CERS2: variants seen among roughly 807,000 people sequenced by gnomAD.
The protein encoded by CERS2 is LAG1 homolog, ceramide synthase 2.
CERS2 carries 20 observed loss-of-function variants against 56.6 expected under a neutral mutation model. The observed-to-expected ratio is 0.35, with a 90% confidence interval of 0.25 to 0.51. CERS2 has a LOEUF of 0.51. Ranked by LOEUF, CERS2 falls within the 20% of genes least tolerant of loss-of-function variation. The pLI is 0.96. For synonymous variants in CERS2, 187 were observed against 175.4 expected (o/e 1.07, Z -0.52); for missense variants, 361 against 488.6 (o/e 0.74, Z 2.46).
At position 150,968,404 on chromosome 1, in the gene CERS2, C is replaced by A. The variant is rs1290412238; in HGVS notation, c.282G>T (p.Gln94His). The A allele has an allele frequency of 6.2e-7, 1 of 1,613,496 alleles. No homozygotes were observed. Among genetic ancestry groups the A allele is most frequent in the Non-Finnish European group, 8.5e-7 (1 of 1,179,334 alleles). ...LEHFYLTSGK[Q>H]PKQVEVELLS... ...AGCATGCGGCTCATACCTGCTTGGGCTGCTTGCCACTGGTCAGGTAGAAAT... is the reference window on the plus strand; with the variant it reads ...AGCATGCGGCTCATACCTGCTTGGGATGCTTGCCACTGGTCAGGTAGAAAT... The change falls in exon 3 of 11, where the codon CAG becomes CAT. Residue 94 changes from glutamine (Q) to histidine (H), a missense_variant. Physicochemically the swap from Gln to His is conservative, Grantham distance 24. Coordinates refer to ENST00000368954, the MANE Select transcript of CERS2 (RefSeq NM_022075.5).
intron 10 of CERS2, 49 bp downstream of exon 10, chr1:150,966,427 G>C: frequency 4.4e-6 from 7 of 1,606,406 alleles, no homozygotes; most frequent in Non-Finnish European, 6.0e-6. Flanking sequence ...TGGGAGTTCA[G>C]GAAGTTGTAG....
intron 8 of CERS2, 30 bp downstream of exon 8, chr1:150,967,044 C>G (rs759019764): frequency 6.2e-7 from 1 of 1,612,856 alleles, no homozygotes; most frequent in South Asian, 1.1e-5. Context: ...AGAACCTGCA[C>G]CAGGGTCTCT....
At chr1:150,972,030 A>C in intron 1 of CERS2, 3 of 409,860 alleles carry the variant, frequency 7.3e-6, no homozygotes, top group Admixed American at 2.9e-5. Flanking sequence ...CCCCTGCTGG[A>C]CTCCTGGGGC....
At chr1:150,972,041 C>G in intron 1 of CERS2, 2 of 400,428 alleles carry the variant, frequency 5.0e-6, no homozygotes, top group Non-Finnish European at 1.0e-5. Context: ...CTCCTGGGGC[C>G]CAGGAATGTC....
chr1:150,969,279 T>C (rs1671117298), intron 1 of CERS2, 188 bp from the exon 2 acceptor site: 2 of 594,720 alleles, frequency 3.4e-6, no homozygotes, highest in South Asian at 4.1e-5. Context: ...TTTCCAGTTT[T>C]AACATTTACT....
In CERS2 at chr1:150,965,958, C is replaced by T; in HGVS notation, c.*190G>A. On this transcript the variant is annotated 3_prime_UTR_variant, in exon 11 of 11. Transcript: ENST00000368954. ...CTCTAACAGAATATAACCAACGTCC[C>T]CCTACCTGGGGATAGGCTGGTTAGA... is the stretch of plus-strand genomic sequence containing the variant. 1 of 577,832 alleles carries T rather than the reference C, an allele frequency of 1.7e-6. No individual in the cohort carries two copies. Among genetic ancestry groups the T allele is most frequent in the South Asian group, 2.5e-5 (1 of 40,516 alleles). The allele number at this position is 577,832 out of a possible 1,614,324, so 35.8% of individuals were successfully genotyped here.
Position 150,966,642 on chromosome 1 carries a change from GGAGA to G in CERS2, c.849-17_849-14del. ...GCAATGCAGGATCCTGAGGATTCAA[GGAGA>G]GAGAGAACGTGGACAAGAGCAGGTC... is the stretch of plus-strand genomic sequence containing the variant. On this transcript the variant is annotated splice_polypyrimidine_tract_variant and intron_variant, in intron 9 of 10. Coordinates refer to ENST00000368954, the MANE Select transcript of CERS2 (RefSeq NM_022075.5). 1 of 1,613,814 alleles carries G rather than the reference GGAGA, an allele frequency of 6.2e-7. No individual in the cohort carries two copies. Among genetic ancestry groups the G allele is most frequent in the South Asian group, 1.1e-5 (1 of 91,072 alleles).
Position 150,968,132 on chromosome 1 carries a change from G to A in CERS2, c.361C>T (p.Arg121Cys), listed in dbSNP as rs1396796705. 4.3e-6 allele frequency: 7 copies of A among 1,609,602 alleles called. No homozygotes were observed. Among genetic ancestry groups the A allele is most frequent in the African/African-American group, 1.3e-5 (1 of 74,916 alleles). Residue 121 changes from arginine to cysteine, a missense_variant, in exon 4 of 11, where the codon CGC becomes TGC. Physicochemically the swap from Arg to Cys is radical, Grantham distance 180. Transcript: ENST00000368954. Reference sequence around the variant, plus strand: ...AGACTGGGCCGGTCCTGGTTGCGGCGGCGACGGAACCAACGCTCTACCTGG... The same window carrying A: ...AGACTGGGCCGGTCCTGGTTGCGGCAGCGACGGAACCAACGCTCTACCTGG... The part of the protein sequence containing the change: ...GRQVERWFRR[R>C]RNQDRPSLLK...
intron 1 of CERS2, among the ~76,000 whole-genome samples, chr1:150,969,944 G>A (rs1384631351): frequency 6.6e-6 from 1 of 152,080 alleles, no homozygotes; most frequent in African/African-American, 2.4e-5. Flanking sequence ...TAAGAGACAG[G>A]GTAGGCTGGG....
chr1:150,966,191 T>C lies in CERS2; in HGVS notation c.1100A>G (p.Asn367Ser), dbSNP rs1347682176. 2 of 1,607,304 alleles carry C rather than the reference T, an allele frequency of 1.2e-6. No homozygotes were observed. Among genetic ancestry groups the C allele is most frequent in the Admixed American group, 1.7e-5 (1 of 57,194 alleles). The change falls in exon 11 of 11, where the codon AAT becomes AGT. Residue 367 changes from asparagine (N) to serine (S), a missense_variant. Asn to Ser is a conservative substitution (Grantham distance 46). Coordinates refer to ENST00000368954, the MANE Select transcript of CERS2 (RefSeq NM_022075.5). ...GTTGTTATTGAGGATGGGGTGGCCA[T>C]TGGCTAGGGGCCGGCTCTTTGCTCC... ...GGGAKSRPLA[N>S]GHPILNNNHR...
At chr1:150,971,957 G>A in intron 1 of CERS2, 1 of 468,408 alleles carries the variant, frequency 2.1e-6, no homozygotes, top group South Asian at 1.6e-5. Flanking sequence ...CCAGGTCTGT[G>A]AAAACTGGCA....
At chr1:150,967,013 A>G in intron 8 of CERS2, 61 bp downstream of exon 8, 1 of 1,593,798 alleles carries the variant, frequency 6.3e-7, no homozygotes. Flanking sequence ...CCTCCCTCCC[A>G]AAGAAAACCA....
chr1:150,966,891 T>G (rs1671038756), intron 8 of CERS2, 29 bp from the exon 9 acceptor site: 4 of 1,548,166 alleles, frequency 2.6e-6, no homozygotes, highest in Non-Finnish European at 3.6e-6. Context: ...TCCATCATCA[T>G]GGGCTCCTGA....
At position 150,968,212 on chromosome 1, in the gene CERS2, TGAA is replaced by T. The variant is rs1256152714; in HGVS notation, c.292-14_292-12del. The T allele has an allele frequency of 1.9e-6, 3 of 1,607,324 alleles. No individual in the cohort carries two copies. The highest frequency in any genetic ancestry group is 2.2e-5 in the East Asian group (1 of 44,880). Reference sequence around the variant, plus strand: ...AAGCTCTACTTCCACCTGGGCACAGTGAAGAAGCCCATTGTTATGTTTACCTTC... The same window carrying T: ...AAGCTCTACTTCCACCTGGGCACAGTGAAGCCCATTGTTATGTTTACCTTC... On this transcript the variant is annotated splice_polypyrimidine_tract_variant and intron_variant, in intron 3 of 10. Transcript: ENST00000368954.
chr1:150,970,073 CA>C (rs1671137854), intron 1 of CERS2, among the ~76,000 whole-genome samples: 1 of 151,690 alleles, frequency 6.6e-6, no homozygotes, highest in Admixed American at 6.6e-5. Context: ...ACAAAAAATA[CA>C]AAAATTAGCT....
At chr1:150,972,432 G>C (rs1166817025) in intron 1 of CERS2, among the ~76,000 whole-genome samples, 3 of 152,156 alleles carry the variant, frequency 2.0e-5, no homozygotes, top group Non-Finnish European at 4.4e-5. Flanking sequence ...AAAGAGTTGG[G>C]TCCCTGTGGC....
At position 150,968,166 on chromosome 1, in the gene CERS2, G is replaced by C. The variant is rs1420766925; in HGVS notation, c.327C>G (p.Leu109=). Residue 109 remains leucine (L), a synonymous_variant, in exon 4 of 11, where the codon CTC becomes CTG. Coordinates refer to ENST00000368954, the MANE Select transcript of CERS2 (RefSeq NM_022075.5). ...EVELLSRQSG[L]SGRQVERWFR... is the part of the protein sequence containing the mutation. ...ACCAACGCTCTACCTGGCGGCCAGA[G>C]AGCCCGCTCTGCCGGGACAAAAGCT... is the stretch of plus-strand genomic sequence containing the variant. The C allele has an allele frequency of 6.2e-7, 1 of 1,609,606 alleles. No individual in the cohort carries two copies. The highest frequency in any genetic ancestry group is 1.3e-5 in the African/African-American group (1 of 75,050).
Position 150,966,001 on chromosome 1 carries a change from C to A in CERS2, c.*147G>T. 1 of 864,618 alleles carries A rather than the reference C, an allele frequency of 1.2e-6. No homozygotes were observed. The highest frequency in any genetic ancestry group is 1.9e-5 in the South Asian group (1 of 52,560). The allele number at this position is 864,618 out of a possible 1,614,324, so 53.6% of individuals were successfully genotyped here. On this transcript the variant is annotated 3_prime_UTR_variant, in exon 11 of 11. Coordinates refer to ENST00000368954, the MANE Select transcript of CERS2 (RefSeq NM_022075.5). ...TGGTTAGAATTTGGTTTAAAGGCAACTGGGTGACAAGCAAGGAGGGAGGAT... is the reference window on the plus strand; with the variant it reads ...TGGTTAGAATTTGGTTTAAAGGCAAATGGGTGACAAGCAAGGAGGGAGGAT...
At position 150,965,861 on chromosome 1, in the gene CERS2, G is replaced by A; in HGVS notation, c.*287C>T. On this transcript the variant is annotated 3_prime_UTR_variant, in exon 11 of 11. Coordinates refer to ENST00000368954, the MANE Select transcript of CERS2 (RefSeq NM_022075.5). Reference sequence around the variant, plus strand: ...GTGAATTGTAACCCCTACCCACAGAGAGCTGAGGGAGGGCCTCAAAAGCAG... The same window carrying A: ...GTGAATTGTAACCCCTACCCACAGAAAGCTGAGGGAGGGCCTCAAAAGCAG... 1 of 341,992 alleles carries A rather than the reference G, an allele frequency of 2.9e-6. No homozygotes were observed. Among genetic ancestry groups the A allele is most frequent in the Non-Finnish European group, 5.3e-6 (1 of 189,778 alleles). 21.2% of individuals were successfully genotyped at this position (341,992 alleles called of 1,614,324 possible).
Sources: gnomAD v4.1 joint callset for allele counts (sites outside exome capture counted in the v4.1 genomes callset) on GRCh38, gnomAD v4.1.1 for gene constraint, MANE v1.5 for transcripts, NCBI Gene and HGNC (gene_info 2026-07-23, HGNC 2026-07-21) for gene names.